Variants in RPH3AL observed in about 807,000 individuals in gnomAD.
RPH3AL encodes the protein rab effector Noc2.
Under a neutral mutation model 43.1 loss-of-function variants are expected in RPH3AL, and 38 were observed. That is an observed-to-expected ratio of 0.88 (90% CI 0.68 to 1.15). RPH3AL has a LOEUF of 1.15. Ranked by LOEUF, RPH3AL falls within the 50% of genes most tolerant of loss-of-function variation. RPH3AL has a pLI of 0.00. For synonymous variants in RPH3AL, 189 were observed against 176.3 expected, an observed-to-expected ratio of 1.07 and a Z score of -0.57; for missense variants, 462 against 423.2, an observed-to-expected ratio of 1.09 and a Z score of -0.81.
chr17:276,310 A>G (rs1362366835), intron 6 of RPH3AL, among the ~76,000 whole-genome samples: 3 of 152,094 alleles, frequency 2.0e-5, no homozygotes, highest in African/African-American at 7.2e-5. Flanking sequence ...TCTTTTCCAA[A>G]TTTGCTTGTA....
chr17:319,025 G>T (rs1379938454), intron 5 of RPH3AL, among the ~76,000 whole-genome samples: 1 of 152,242 alleles, frequency 6.6e-6, no homozygotes, highest in Admixed American at 6.5e-5. Flanking sequence ...TTGCGTTGAA[G>T]AATATTTAAT....
chr17:259,748 T>C (rs1446771242), intron 6 of RPH3AL, among the ~76,000 whole-genome samples: 6 of 152,236 alleles, frequency 3.9e-5, no homozygotes, highest in African/African-American at 1.4e-4. Flanking sequence ...TAAACGCTCC[T>C]GGTACCGCTG....
intron 5 of RPH3AL, among the ~76,000 whole-genome samples, chr17:310,421 T>C (rs2043615050): frequency 6.6e-6 from 1 of 152,196 alleles, no homozygotes; most frequent in Middle Eastern, 3.4e-3. Context: ...TGAGGCTCTG[T>C]CCTCCCCAAC....
At chr17:262,262 A>AG (rs1165573723) in intron 6 of RPH3AL, among the ~76,000 whole-genome samples, 1 of 152,082 alleles carries the variant, frequency 6.6e-6, no homozygotes. Context: ...TCTGTCACCC[A>AG]GGCTGGAGTG....
intron 6 of RPH3AL, 62 bp downstream of exon 6, chr17:281,706 T>A: frequency 1.5e-6 from 1 of 652,700 alleles, no homozygotes; most frequent in Non-Finnish European, 2.4e-6. Flanking sequence ...CGTCCACCCA[T>A]CCCCATCTGA....
At chr17:218,677 G>A (rs2040874890) in intron 8 of RPH3AL, among the ~76,000 whole-genome samples, 1 of 152,164 alleles carries the variant, frequency 6.6e-6, no homozygotes, top group Non-Finnish European at 1.5e-5. Flanking sequence ...CCTCTCCCAG[G>A]CCTTCTCTAT....
chr17:291,516 G>T (rs1245596646), intron 5 of RPH3AL, among the ~76,000 whole-genome samples: 1 of 152,204 alleles, frequency 6.6e-6, no homozygotes, highest in African/African-American at 2.4e-5. Flanking sequence ...TGCTTACAGA[G>T]GGGTCATCCC....
intron 5 of RPH3AL, among the ~76,000 whole-genome samples, chr17:307,330 CACG>C (rs2043524511): frequency 2.1e-5 from 3 of 145,350 alleles, no homozygotes; most frequent in East Asian, 2.1e-4. Context: ...AGGTCCTCCC[CACG>C]GCAGGTCCTC....
At chr17:220,014 CA>C (rs1360676836) in intron 7 of RPH3AL, among the ~76,000 whole-genome samples, 2 of 152,316 alleles carry the variant, frequency 1.3e-5, no homozygotes, top group Admixed American at 1.3e-4. Context: ...CTCCACATGA[CA>C]ACCCCTGTTC....
intron 6 of RPH3AL, among the ~76,000 whole-genome samples, chr17:249,628 C>A (rs2041839966): frequency 6.6e-6 from 1 of 150,544 alleles, no homozygotes; most frequent in African/African-American, 2.4e-5. Context: ...ACCCCGCAAA[C>A]TTCCTCTGCA....
intron 5 of RPH3AL, among the ~76,000 whole-genome samples, chr17:316,513 C>A (rs1410825722): frequency 1.2e-4 from 18 of 149,314 alleles, no homozygotes; most frequent in African/African-American, 4.2e-4. Flanking sequence ...CTGTGCTCCA[C>A]CTCCAGTGAC....
intron 1 of RPH3AL, among the ~76,000 whole-genome samples, chr17:345,677 C>T (rs11655930): frequency 0.47 from 41,747 of 88,432 alleles, 12,906 homozygotes; most frequent in Non-Finnish European, 0.68. Context: ...TCCCCATCTG[C>T]GCGCACACCC....
At chr17:332,905 C>T (rs527916112) in intron 2 of RPH3AL, 108 of 789,082 alleles carry the variant, frequency 1.4e-4, no homozygotes, top group African/African-American at 6.3e-4. Flanking sequence ...TGTAAAACCC[C>T]GCAGTACAGG....
At chr17:276,086 A>G (rs971948310) in intron 6 of RPH3AL, among the ~76,000 whole-genome samples, 3 of 152,236 alleles carry the variant, frequency 2.0e-5, no homozygotes, top group African/African-American at 4.8e-5. Context: ...CAGTTGGTAC[A>G]GAGGAAATCG....
At chr17:306,462 C>T (rs546400178) in intron 5 of RPH3AL, 1 of 152,362 alleles carries the variant, frequency 6.6e-6, no homozygotes, top group African/African-American at 2.4e-5. Context: ...AGACCGTGAC[C>T]TCCCAGGTGG....
intron 4 of RPH3AL, among the ~76,000 whole-genome samples, chr17:320,829 G>A (rs2044447662): frequency 6.6e-6 from 1 of 152,250 alleles, no homozygotes; most frequent in African/African-American, 2.4e-5. Context: ...ACTGAGCTGT[G>A]GTCGGCGCTG....
chr17:228,873 T>C (rs2041164036), intron 7 of RPH3AL, among the ~76,000 whole-genome samples: 2 of 152,150 alleles, frequency 1.3e-5, no homozygotes, highest in African/African-American at 4.8e-5. Flanking sequence ...GAGGCTGCAG[T>C]GTGGGAGAGA....
At chr17:319,785 G>C (rs2044407973) in intron 4 of RPH3AL, among the ~76,000 whole-genome samples, 1 of 146,380 alleles carries the variant, frequency 6.8e-6, no homozygotes, top group Admixed American at 6.9e-5. Context: ...AGACAGACAT[G>C]GTCCCTGTTC....
chr17:348,156 T>C (rs1257773963), intron 1 of RPH3AL, among the ~76,000 whole-genome samples: 2 of 150,070 alleles, frequency 1.3e-5, no homozygotes, highest in African/African-American at 4.9e-5. Context: ...GGCTACTTAC[T>C]GCAGGGTTCC....
Sources: gnomAD v4.1 joint callset for allele counts (sites outside exome capture counted in the v4.1 genomes callset) on GRCh38, gnomAD v4.1.1 for gene constraint, MANE v1.5 for transcripts, NCBI Gene and HGNC (gene_info 2026-07-23, HGNC 2026-07-21) for gene names.